Variants in SYNE3 observed in about 807,000 individuals in gnomAD.
The protein encoded by SYNE3 is nesprin-3.
SYNE3 carries 100 observed loss-of-function variants against 111.2 expected under a neutral mutation model. The ratio of observed to expected loss-of-function variants is 0.90; its 90% CI spans 0.77 to 1.06. The LOEUF is 1.06. Among genes scored for constraint, SYNE3 ranks in the 50% least tolerant of loss-of-function variants. SYNE3 has a pLI of 0.00. For missense variants in SYNE3, 1,160 were observed against 1,240.3 expected (o/e 0.94, Z 0.97); for synonymous variants, 547 against 533.9 (o/e 1.02, Z -0.34).
In SYNE3 at chr14:95,417,889, C is replaced by G. The variant is rs1903633261; in HGVS notation, c.2865G>C (p.Leu955=). The G allele has an allele frequency of 6.2e-7, 1 of 1,614,094 alleles. No individual in the cohort carries two copies. The highest frequency in any genetic ancestry group is 8.5e-7 in the Non-Finnish European group (1 of 1,180,048). Residue 955 remains leucine, a synonymous_variant, in exon 18 of 18, where the codon CTG becomes CTC. Transcript: ENST00000682763. ...TGAAGGAGCGGGCGAAGTTGTTGGC[C>G]AGGGTGCAGCTGCGGTCCTCTTCCC... is the stretch of plus-strand genomic sequence containing the variant. The part of the protein sequence containing the change: ...PIREEDRSCT[L]ANNFARSFTL...
In SYNE3 at chr14:95,488,580, C is replaced by G. The variant is rs780141568; in HGVS notation, c.-14-12745G>C. ...TGGTGGCTCACACCTGTGATCCCAG[C>G]ACTCTGGGAGGCCAAGGTGAGAGGA... On this transcript the variant is annotated intron_variant, in intron 1 of 17. Coordinates refer to ENST00000682763, the MANE Select transcript of SYNE3 (RefSeq NM_152592.6). Among the ~76,000 whole-genome samples the G allele has an allele frequency of 1.6e-4, 24 of 151,162 alleles. 1 individual carries two copies. The highest frequency in any genetic ancestry group is 1.4e-3 in the East Asian group (7 of 5,096).
At chr14:95,449,519 C>A (rs569374078) in intron 8 of SYNE3, 1 of 985,360 alleles carries the variant, frequency 1.0e-6, no homozygotes, top group African/African-American at 1.7e-5. Context: ...GGGCTTGGTC[C>A]TGGTGACACC....
chr14:95,437,213 C>A (rs910920327), intron 14 of SYNE3, among the ~76,000 whole-genome samples: 2 of 152,244 alleles, frequency 1.3e-5, no homozygotes, highest in African/African-American at 4.8e-5. Flanking sequence ...ACGGAAGCCA[C>A]CACCATCTCT....
At chr14:95,449,599 G>T (rs1460989640) in intron 8 of SYNE3, 1 of 985,350 alleles carries the variant, frequency 1.0e-6, no homozygotes, top group African/African-American at 1.7e-5. Context: ...GTCAGGTCAG[G>T]TTTCTTGCCA....
intron 8 of SYNE3, chr14:95,449,493 G>A (rs961475313): frequency 9.9e-5 from 98 of 985,348 alleles, no homozygotes; most frequent in Non-Finnish European, 1.1e-4. Context: ...GGCGAGACCT[G>A]GCTTAGAACT....
chr14:95,422,690 G>A (rs760351216), intron 17 of SYNE3, among the ~76,000 whole-genome samples: 32 of 152,202 alleles, frequency 2.1e-4, no homozygotes, highest in African/African-American at 7.2e-4. Flanking sequence ...GGCACCAAGC[G>A]TGGGACGGTG....
chr14:95,439,451 C>A (rs1480604290), intron 13 of SYNE3, among the ~76,000 whole-genome samples, 161 bp downstream of exon 13: 1 of 152,196 alleles, frequency 6.6e-6, no homozygotes, highest in African/African-American at 2.4e-5. Flanking sequence ...TCCTCCTGCT[C>A]CTGCTAGAAT....
chr14:95,512,301 C>A (rs1185385846), intron 1 of SYNE3, among the ~76,000 whole-genome samples: 1 of 152,136 alleles, frequency 6.6e-6, no homozygotes, highest in African/African-American at 2.4e-5. Context: ...TCCACATGAT[C>A]TTTTAATTTC....
chr14:95,482,936 T>C (rs183811951), intron 1 of SYNE3, among the ~76,000 whole-genome samples: 26 of 152,194 alleles, frequency 1.7e-4, no homozygotes, highest in African/African-American at 6.0e-4. Context: ...AAGGATGACT[T>C]GAGTCTAAAC....
chr14:95,477,656 CA>C (rs1888971717), intron 1 of SYNE3, among the ~76,000 whole-genome samples: 1 of 152,096 alleles, frequency 6.6e-6, no homozygotes, highest in Non-Finnish European at 1.5e-5. Flanking sequence ...GTGGGCTGGC[CA>C]GGGGGAGGTG....
chr14:95,421,974 G>A (rs746034390), intron 17 of SYNE3, among the ~76,000 whole-genome samples: 87 of 152,230 alleles, frequency 5.7e-4, no homozygotes, highest in Non-Finnish European at 1.1e-3. Flanking sequence ...CATCCTCAGG[G>A]CACCCTTTCT....
intron 1 of SYNE3, among the ~76,000 whole-genome samples, chr14:95,488,409 C>A (rs1045183674): frequency 6.6e-6 from 1 of 152,220 alleles, no homozygotes; most frequent in African/African-American, 2.4e-5. Flanking sequence ...TGGATTCATG[C>A]ACCCACGGAT....
chr14:95,485,327 G>A lies in SYNE3; in HGVS notation c.-14-9492C>T, dbSNP rs1372132470. On this transcript the variant is annotated intron_variant, in intron 1 of 17. Coordinates refer to ENST00000682763, the MANE Select transcript of SYNE3 (RefSeq NM_152592.6). This position sits in a 1 kb window ranked among gnomAD's most constrained non-coding sequence, Gnocchi z 4.3. The stretch of plus-strand genomic sequence containing the variant: ...TCCTCCTCTTGGAGAAGGACAGAGT[G>A]AGGCGGGGCTGCTGGCCCCCTCCCC... Among the ~76,000 whole-genome samples the A allele has an allele frequency of 6.6e-6, 1 of 152,200 alleles. No homozygotes were observed. The highest frequency in any genetic ancestry group is 1.5e-5 in the Non-Finnish European group (1 of 68,042).
In SYNE3 at chr14:95,416,213, G is replaced by A. The variant is rs1031134275; in HGVS notation, c.*1613C>T. ...AGTTGCCTAGGACCCGGGTCCCCAA[G>A]GGCAGAGCTCACAGTGAAAGGCAAA... On this transcript the variant is annotated 3_prime_UTR_variant, in exon 18 of 18. Coordinates refer to ENST00000682763, the MANE Select transcript of SYNE3 (RefSeq NM_152592.6). 8 of 152,160 alleles carry A rather than the reference G, an allele frequency of 5.3e-5. No homozygotes were observed. The highest frequency in any genetic ancestry group is 1.7e-4 in the African/African-American group (7 of 41,434). The allele number at this position is 152,160 out of a possible 1,614,324, so 9.4% of individuals were successfully genotyped here. A position where few individuals can be genotyped will look rare whatever the true frequency, so the allele number is the denominator to read the frequency against.
chr14:95,481,896 C>T (rs1433144689), intron 1 of SYNE3, among the ~76,000 whole-genome samples: 2 of 152,240 alleles, frequency 1.3e-5, no homozygotes, highest in African/African-American at 4.8e-5. Context: ...TGAAAAAACG[C>T]CCGAGGCAGA....
At chr14:95,491,041 A>T (rs1889825429) in intron 1 of SYNE3, among the ~76,000 whole-genome samples, 1 of 152,112 alleles carries the variant, frequency 6.6e-6, no homozygotes. Context: ...ACACAACATC[A>T]ACTTCTTGGA....
At chr14:95,476,921 T>A (rs1888920456) in intron 1 of SYNE3, among the ~76,000 whole-genome samples, 1 of 152,256 alleles carries the variant, frequency 6.6e-6, no homozygotes, top group South Asian at 2.1e-4. Context: ...AAGTAAGTTA[T>A]GGTACACTTG....
chr14:95,504,189 C>G (rs965329720), intron 1 of SYNE3, among the ~76,000 whole-genome samples: 2 of 152,200 alleles, frequency 1.3e-5, no homozygotes, highest in Non-Finnish European at 2.9e-5. Context: ...ACAACCAACA[C>G]CCATTCATTT....
At chr14:95,502,695 G>T (rs910093131) in intron 1 of SYNE3, among the ~76,000 whole-genome samples, 3 of 151,700 alleles carry the variant, frequency 2.0e-5, no homozygotes, top group Non-Finnish European at 4.4e-5. Flanking sequence ...AACCGGTCAG[G>T]AACTCACCTC....
Sources: gnomAD v4.1 joint callset for allele counts (sites outside exome capture counted in the v4.1 genomes callset) on GRCh38, gnomAD v4.1.1 for gene constraint, Gnocchi (gnomAD v3.1) non-coding constraint, MANE v1.5 for transcripts, NCBI Gene and HGNC (gene_info 2026-07-23, HGNC 2026-07-21) for gene names.